PLCH1: variants seen among roughly 807,000 people sequenced by gnomAD.
PLCH1 encodes 1-phosphatidylinositol 4,5-bisphosphate phosphodiesterase eta-1.
In PLCH1, 60 loss-of-function variants were observed where a neutral mutation model predicts 126.7. The observed-to-expected ratio is 0.47, with a 90% CI of 0.38 to 0.59. The LOEUF (loss-of-function observed/expected upper bound fraction) is 0.59. Among genes scored for constraint, PLCH1 ranks in the 20% least tolerant of loss-of-function variants. The pLI, the probability that PLCH1 is intolerant of heterozygous loss-of-function variation, is 0.00. For synonymous variants in PLCH1, 719 were observed against 734.9 expected (o/e 0.98, Z 0.35); for missense variants, 1,723 against 2,040.0 (o/e 0.84, Z 2.99).
At chr3:155,661,040 T>C (rs1006960652) in intron 2 of PLCH1, among the ~76,000 whole-genome samples, 2 of 152,234 alleles carry the variant, frequency 1.3e-5, no homozygotes, top group Non-Finnish European at 2.9e-5. Flanking sequence ...TTTGTCAGCA[T>C]TGCCCATAGC....
chr3:155,699,822 TCACACA>T (rs59082626), intron 2 of PLCH1, among the ~76,000 whole-genome samples: 187 of 147,772 alleles, frequency 1.3e-3, no homozygotes, highest in African/African-American at 4.6e-3. Context: ...CTGTGACCAT[TCACACA>T]CACACACACA....
At chr3:155,589,098 G>A (rs1678602542) in intron 4 of PLCH1, among the ~76,000 whole-genome samples, 1 of 152,148 alleles carries the variant, frequency 6.6e-6, no homozygotes, top group East Asian at 1.9e-4. Context: ...ATCTGGGTGA[G>A]ACTGAATGTG....
chr3:155,532,560 G>A (rs904194251), intron 10 of PLCH1, among the ~76,000 whole-genome samples: 2 of 152,138 alleles, frequency 1.3e-5, no homozygotes, highest in African/African-American at 2.4e-5. Context: ...ACCCCATGCT[G>A]TTTTTGTGAT....
chr3:155,590,960 A>G (rs1732084842), intron 4 of PLCH1, among the ~76,000 whole-genome samples: 2 of 152,194 alleles, frequency 1.3e-5, no homozygotes, highest in Non-Finnish European at 2.9e-5. Context: ...TTCTCTGTGT[A>G]GTGCCACAGT....
intron 21 of PLCH1, among the ~76,000 whole-genome samples, chr3:155,454,269 G>A (rs968895941): frequency 2.0e-5 from 3 of 152,238 alleles, no homozygotes; most frequent in South Asian, 4.2e-4. Context: ...GCTCAAATCT[G>A]TCTCCCTGAT....
Position 155,571,280 on chromosome 3 carries a change from G to C in PLCH1, c.772-2956C>G, listed in dbSNP as rs972511435. Among the ~76,000 whole-genome samples the C allele has an allele frequency of 2.6e-5, 4 of 151,956 alleles. No individual in the cohort carries two copies. In the East Asian group the frequency reaches 7.7e-4, roughly 29 times the overall value. ...CCTTACTAGCTTATTTTTATCAAAG[G>C]GTTATATTTGTAACTAAATAAGTCA... On this transcript the variant is annotated intron_variant, in intron 6 of 22. Transcript: ENST00000460012.
intron 2 of PLCH1, among the ~76,000 whole-genome samples, chr3:155,692,817 C>T (rs954825459): frequency 2.0e-5 from 3 of 151,740 alleles, no homozygotes; most frequent in Non-Finnish European, 4.4e-5. Context: ...AGTGCAGTGG[C>T]GCCATCTCCG....
chr3:155,688,825 G>C (rs1418801194), intron 2 of PLCH1, among the ~76,000 whole-genome samples: 1 of 152,240 alleles, frequency 6.6e-6, no homozygotes, highest in Non-Finnish European at 1.5e-5. Flanking sequence ...GGAAAGGGGA[G>C]GGAAGAGCAG....
At chr3:155,677,002 A>G (rs1054257863) in intron 2 of PLCH1, among the ~76,000 whole-genome samples, 1 of 152,226 alleles carries the variant, frequency 6.6e-6, no homozygotes, top group African/African-American at 2.4e-5. Context: ...CTTTGAAGAG[A>G]TAGGTAGACA....
chr3:155,554,342 G>T (rs117409194), intron 8 of PLCH1, 146 bp from the exon 9 acceptor site: 2 of 702,940 alleles, frequency 2.8e-6, no homozygotes, highest in Non-Finnish European at 4.7e-6. Context: ...CACAGAAATC[G>T]GTGTTCTGGC....
At chr3:155,697,577 G>T (rs1216920924) in intron 2 of PLCH1, among the ~76,000 whole-genome samples, 1 of 152,202 alleles carries the variant, frequency 6.6e-6, no homozygotes, top group African/African-American at 2.4e-5. Flanking sequence ...ACTGTCATCA[G>T]CAGGTCTGAG....
rs562234205 is a variant in PLCH1, at chr3:155,640,732, G to C, written c.80-44354C>G. Among the ~76,000 whole-genome samples, 8 of 152,006 alleles carry C rather than the reference G, an allele frequency of 5.3e-5. No homozygotes were observed. In the South Asian group the frequency reaches 1.7e-3, roughly 32 times the overall value. ...GCATCAGTTAATTATTAGATTATTG[G>C]CCCAAAACCTCCATGATTATATAAT... is the stretch of plus-strand genomic sequence containing the variant. On this transcript the variant is annotated intron_variant, in intron 2 of 22. Transcript: ENST00000460012.
intron 21 of PLCH1, among the ~76,000 whole-genome samples, chr3:155,487,774 A>G (rs1026717608): frequency 9.9e-5 from 15 of 152,204 alleles, no homozygotes; most frequent in Admixed American, 3.3e-4. Flanking sequence ...CTGAGAGAAT[A>G]ATAGTTTTCT....
intron 10 of PLCH1, among the ~76,000 whole-genome samples, chr3:155,540,050 C>A (rs917540239): frequency 1.3e-5 from 2 of 151,958 alleles, no homozygotes; most frequent in African/African-American, 4.8e-5. Flanking sequence ...GGCACATAGA[C>A]CAATGGAACA....
intron 21 of PLCH1, among the ~76,000 whole-genome samples, chr3:155,466,494 C>T (rs745756329): frequency 6.6e-6 from 1 of 152,132 alleles, no homozygotes; most frequent in Non-Finnish European, 1.5e-5. Context: ...CTTTCAAATA[C>T]CTAGAAAACC....
At chr3:155,586,042 C>G (rs770892194) in intron 5 of PLCH1, 23 bp downstream of exon 5, 1 of 1,609,328 alleles carries the variant, frequency 6.2e-7, no homozygotes. Flanking sequence ...TTATATAAGG[C>G]CAGTGAAATT....
chr3:155,629,081 T>C (rs1737711392), intron 2 of PLCH1, among the ~76,000 whole-genome samples: 1 of 152,222 alleles, frequency 6.6e-6, no homozygotes, highest in Non-Finnish European at 1.5e-5. Flanking sequence ...TTTCTTCACA[T>C]TTTAAGAGAA....
intron 6 of PLCH1, among the ~76,000 whole-genome samples, chr3:155,582,329 C>T (rs368710382): frequency 2.6e-5 from 4 of 151,876 alleles, no homozygotes; most frequent in East Asian, 1.9e-4. Flanking sequence ...GTGATCCACC[C>T]GCCTCAGCCT....
intron 10 of PLCH1, among the ~76,000 whole-genome samples, chr3:155,542,180 C>G (rs1451450255): frequency 6.6e-6 from 1 of 152,182 alleles, no homozygotes; most frequent in Non-Finnish European, 1.5e-5. Context: ...TCACTCCCAC[C>G]CCAATACTGC....
Sources: allele counts gnomAD v4.1 joint callset (sites outside exome capture counted in the v4.1 genomes callset), GRCh38; gene constraint gnomAD v4.1.1; transcripts MANE v1.5; gene names NCBI Gene and HGNC (gene_info 2026-07-23, HGNC 2026-07-21).